The following SLC39A6 variants were observed in gnomAD, a reference collection of about 807,000 sequenced individuals.
The protein encoded by SLC39A6 is zinc transporter ZIP6.
A neutral mutation model predicts 63.5 loss-of-function variants in SLC39A6; 51 were observed. The ratio of observed to expected loss-of-function variants is 0.80; its 90% CI spans 0.64 to 1.01. The LOEUF (loss-of-function observed/expected upper bound fraction) is 1.01. SLC39A6 is among the 50% of genes least tolerant of loss of function. The pLI, the probability that SLC39A6 is intolerant of heterozygous loss-of-function variation, is 0.00. For missense variants in SLC39A6, 805 were observed against 927.8 expected (o/e 0.87, Z 1.72); for synonymous variants, 318 against 324.7 (o/e 0.98, Z 0.22).
At chr18:36,123,785 T>C in intron 3 of SLC39A6, 121 bp from the exon 4 acceptor site, 1 of 967,458 alleles carries the variant, frequency 1.0e-6, no homozygotes, top group Non-Finnish European at 1.5e-6. Flanking sequence ...AACACACAAA[T>C]TCAATGCAAA....
At chr18:36,120,606 T>C (rs764301287) in intron 5 of SLC39A6, among the ~76,000 whole-genome samples, 1 of 152,256 alleles carries the variant, frequency 6.6e-6, no homozygotes, top group Admixed American at 6.5e-5. Flanking sequence ...ATTACTGTAA[T>C]TGCACAATTT....
chr18:36,110,730 CAG>C (rs1395636439), intron 9 of SLC39A6, among the ~76,000 whole-genome samples: 2 of 152,062 alleles, frequency 1.3e-5, no homozygotes, highest in Non-Finnish European at 2.9e-5. Context: ...TTAGTTGAGA[CAG>C]GGTTTCACCA....
intron 8 of SLC39A6, among the ~76,000 whole-genome samples, chr18:36,112,055 T>C (rs562334303): frequency 6.6e-6 from 1 of 152,340 alleles, no homozygotes; most frequent in South Asian, 2.1e-4. Flanking sequence ...GGGACTTGAA[T>C]GTGGAACATA....
At chr18:36,110,006 T>A (rs947580740) in intron 9 of SLC39A6, among the ~76,000 whole-genome samples, 3 of 152,142 alleles carry the variant, frequency 2.0e-5, no homozygotes, top group African/African-American at 7.2e-5. Context: ...CACTGGAAAA[T>A]GAAAAGCGAT....
chr18:36,122,410 C>A, intron 4 of SLC39A6, 140 bp from the exon 5 acceptor site: 1 of 663,090 alleles, frequency 1.5e-6, no homozygotes, highest in Non-Finnish European at 2.6e-6. Flanking sequence ...AAGTTTAGGA[C>A]ATTAAAAATA....
intron 5 of SLC39A6, among the ~76,000 whole-genome samples, chr18:36,117,502 G>C (rs1357638339): frequency 6.6e-6 from 1 of 152,086 alleles, no homozygotes; most frequent in Non-Finnish European, 1.5e-5. Context: ...TACCATACCA[G>C]AGATATTGTC....
In SLC39A6 at chr18:36,126,473, T is replaced by C; in HGVS notation, c.535A>G (p.Lys179Glu). 6.2e-7 allele frequency: 1 copy of C among 1,614,208 alleles called. No individual in the cohort carries two copies. The highest frequency in any genetic ancestry group is 1.1e-5 in the South Asian group (1 of 91,088). Residue 179 changes from lysine (K) to glutamate (E), a missense_variant, in exon 2 of 10, where the codon AAG becomes GAG. Physicochemically the swap from Lys to Glu is moderately conservative, Grantham distance 56. Around this residue, in one of 4 missense-constraint regions of SLC39A6, gnomAD observed 639 missense variants for 644.0 expected, o/e 0.99. Coordinates refer to ENST00000269187, the MANE Select transcript of SLC39A6 (RefSeq NM_012319.4). ...ACTTCACTAGCACTAACACTGTCCT[T>C]GACATTCCTTCTACCACTGGCATGT... Reference protein sequence around the residue: ...PEHASGRRNVKDSVSASEVTS... With the variant: ...PEHASGRRNVEDSVSASEVTS...
intron 1 of SLC39A6, among the ~76,000 whole-genome samples, chr18:36,127,417 T>C (rs1299619153): frequency 6.6e-6 from 1 of 152,162 alleles, no homozygotes; most frequent in African/African-American, 2.4e-5. Context: ...CTCATGCCTA[T>C]AATCCCAGCA....
intron 8 of SLC39A6, 85 bp from the exon 9 acceptor site, chr18:36,111,334 A>G (rs2089298234): frequency 7.2e-7 from 1 of 1,385,050 alleles, no homozygotes; most frequent in Non-Finnish European, 9.8e-7. Context: ...AGATTTAAGA[A>G]AATTTTCCAG....
At chr18:36,110,398 G>T (rs2089291145) in intron 9 of SLC39A6, among the ~76,000 whole-genome samples, 3 of 133,676 alleles carry the variant, frequency 2.2e-5, no homozygotes, top group Non-Finnish European at 3.1e-5. Context: ...TGTGAATCTG[G>T]ACACATATTA....
chr18:36,114,097 C>A lies in SLC39A6; in HGVS notation c.1843G>T (p.Gly615Cys). ...AAGGAACAAATATGTAGATATATAC[C>A]AATTGCTAGGCCATCGCTGAAATTG... ...LHNFSDGLAI[G>C]AAFTEGLSSG... The change falls in exon 7 of 10, where the codon GGT (glycine) becomes TGT (cysteine). Residue 615 changes from glycine to cysteine, a missense_variant and splice_region_variant. Gly to Cys is a radical substitution (Grantham distance 159). This residue lies in a region of SLC39A6 where 145 missense variants were observed against 227.2 expected (regional missense o/e 0.64). Coordinates refer to ENST00000269187, the MANE Select transcript of SLC39A6 (RefSeq NM_012319.4). 6.3e-7 allele frequency: 1 copy of A among 1,586,956 alleles called. No homozygotes were observed. Among genetic ancestry groups the A allele is most frequent in the Non-Finnish European group, 8.6e-7 (1 of 1,165,258 alleles).
intron 6 of SLC39A6, among the ~76,000 whole-genome samples, chr18:36,115,461 AAACAACAAC>A (rs59445780): frequency 0.3 from 43,725 of 147,156 alleles, 6,884 homozygotes; most frequent in Middle Eastern, 0.45. Context: ...AAAAAAATTA[AAACAACAAC>A]AACAACAACA....
In SLC39A6 at chr18:36,115,269, G is replaced by A. The variant is rs76285848; in HGVS notation, c.1466-795C>T. ...ATCCTGGCTAACATGGTGAAACCCC[G>A]TCTCTACTAAAAATACAAAAAAAAT... On this transcript the variant is annotated intron_variant, in intron 6 of 9. Transcript: ENST00000269187. 6.3e-3 allele frequency among the ~76,000 whole-genome samples: 964 copies of A among 151,946 alleles called. 69 individuals carry two copies. In the East Asian group the frequency reaches 0.15, roughly 24 times the overall value.
At chr18:36,113,100 T>TA (rs35917741) in intron 7 of SLC39A6, among the ~76,000 whole-genome samples, 47,481 of 140,212 alleles carry the variant, frequency 0.34, 7,770 homozygotes, top group Middle Eastern at 0.49. Flanking sequence ...TGCATATATA[T>TA]TTTTTTTTTT....
chr18:36,115,765 T>C (rs1448623711), intron 6 of SLC39A6, among the ~76,000 whole-genome samples: 2 of 152,176 alleles, frequency 1.3e-5, no homozygotes, highest in Non-Finnish European at 2.9e-5. Flanking sequence ...CAGCGGGACC[T>C]TGAAGATCAT....
chr18:36,123,545 G>A lies in SLC39A6; in HGVS notation c.1090C>T (p.Leu364=), dbSNP rs1009324027. 2.5e-6 allele frequency: 4 copies of A among 1,613,634 alleles called. No homozygotes were observed. Among genetic ancestry groups the A allele is most frequent in the Non-Finnish European group, 2.5e-6 (3 of 1,179,890 alleles). Residue 364 remains leucine (L), a synonymous_variant, in exon 4 of 10, where the codon CTG becomes TTG. Transcript: ENST00000269187. ...TCACCACTCAAAGTCCCAACGGCCA[G>A]TGCCACAAGGAAACTCAGGAGAAAT... The part of the protein sequence containing the change: ...FKFLLSFLVA[L]AVGTLSGDAF...
chr18:36,122,727 T>A (rs2089404422), intron 4 of SLC39A6, among the ~76,000 whole-genome samples: 2 of 151,880 alleles, frequency 1.3e-5, no homozygotes, highest in South Asian at 4.2e-4. Context: ...CTGAGTGGAG[T>A]AGTAACTACT....
chr18:36,126,509 G>C lies in SLC39A6; in HGVS notation c.499C>G (p.His167Asp). 6.2e-7 allele frequency: 1 copy of C among 1,614,226 alleles called. No individual in the cohort carries two copies. The highest frequency in any genetic ancestry group is 8.5e-7 in the Non-Finnish European group (1 of 1,180,044). ...DPRNSQGKGA[H>D]RPEHASGRRN... ...CTACCACTGGCATGTTCTGGTCGGT[G>C]AGCTCCTTTCCCCTGGCTGTTTCTA... Residue 167 changes from histidine (H) to aspartate (D), a missense_variant, in exon 2 of 10, where the codon CAC becomes GAC. Transcript: ENST00000269187.
At chr18:36,115,670 C>G (rs1010358390) in intron 6 of SLC39A6, among the ~76,000 whole-genome samples, 3 of 151,990 alleles carry the variant, frequency 2.0e-5, no homozygotes, top group African/African-American at 4.8e-5. Context: ...GTGCATGGCC[C>G]GGAGACAAGC....
Sources: allele counts gnomAD v4.1 joint callset (sites outside exome capture counted in the v4.1 genomes callset), GRCh38; gene constraint gnomAD v4.1.1; regional missense constraint gnomAD v4.1.1; transcripts MANE v1.5; gene names NCBI Gene and HGNC (gene_info 2026-07-23, HGNC 2026-07-21).